Variants in BRINP1 observed in about 807,000 individuals in gnomAD.
BRINP1 encodes BMP/retinoic acid-inducible neural-specific protein 1.
A neutral mutation model predicts 72.9 loss-of-function variants in BRINP1; 17 were observed. The observed-to-expected ratio is 0.23, with a 90% CI of 0.16 to 0.35. BRINP1 has a LOEUF of 0.35. Ranked by LOEUF, BRINP1 falls within the 10% of genes least tolerant of loss-of-function variation. BRINP1 has a pLI of 1.00. For synonymous variants in BRINP1, 418 were observed against 378.5 expected (o/e 1.10, Z -1.21); for missense variants, 850 against 1,001.6 (o/e 0.85, Z 2.04).
rs149284594 is a variant in BRINP1 at position 119,168,139 on chromosome 9, G to T, written c.1231C>A (p.Arg411=). 59 of 1,600,236 alleles carry T rather than the reference G, an allele frequency of 3.7e-5. No individual in the cohort carries two copies. The East Asian group carries it at 1.3e-3, about 34-fold the overall frequency. Residue 411 remains arginine, a synonymous_variant, in exon 8 of 8, where the codon CGG becomes AGG. Coordinates refer to ENST00000265922, the MANE Select transcript of BRINP1 (RefSeq NM_014618.3). ...GTGCTGCCGTGGCACACGCAGCTCC[G>T]CTGGCTCTCCAGGAAGGTTCCCCAA... ...GFWGTFLESQ[R]SCVCHGSTTL... is the part of the protein sequence containing the mutation.
At chr9:119,312,038 T>C (rs1400257142) in intron 2 of BRINP1, among the ~76,000 whole-genome samples, 1 of 152,238 alleles carries the variant, frequency 6.6e-6, no homozygotes, top group Admixed American at 6.5e-5. Context: ...CCTCCCTTCA[T>C]GGCACATGAT....
intron 7 of BRINP1, among the ~76,000 whole-genome samples, chr9:119,200,413 G>T (rs1829792078): frequency 6.6e-6 from 1 of 152,094 alleles, no homozygotes; most frequent in South Asian, 2.1e-4. Flanking sequence ...CTTGAGTCCA[G>T]AAGTTTGAGA....
At chr9:119,263,110 C>A in intron 2 of BRINP1, among the ~76,000 whole-genome samples, 1 of 152,188 alleles carries the variant, frequency 6.6e-6, no homozygotes, top group East Asian at 1.9e-4. Flanking sequence ...AGGCCAGGGG[C>A]ACAATTTGAA....
intron 4 of BRINP1, among the ~76,000 whole-genome samples, chr9:119,239,822 GTT>G (rs921038925): frequency 1.3e-5 from 2 of 151,978 alleles, no homozygotes; most frequent in African/African-American, 4.8e-5. Flanking sequence ...TGTATTTTTC[GTT>G]TTGTTTTACA....
intron 1 of BRINP1, among the ~76,000 whole-genome samples, chr9:119,321,492 ATT>A (rs1831186875): frequency 6.6e-6 from 1 of 151,946 alleles, no homozygotes; most frequent in African/African-American, 2.4e-5. Flanking sequence ...TTTTTTATTT[ATT>A]TATTTTTTAG....
At chr9:119,357,842 T>C (rs1036964427) in intron 1 of BRINP1, among the ~76,000 whole-genome samples, 3 of 152,018 alleles carry the variant, frequency 2.0e-5, no homozygotes, top group African/African-American at 4.8e-5. Flanking sequence ...CCCAAGACAA[T>C]AGAGATCAGG....
At chr9:119,355,584 C>G (rs551529543) in intron 1 of BRINP1, among the ~76,000 whole-genome samples, 1 of 152,110 alleles carries the variant, frequency 6.6e-6, no homozygotes, top group East Asian at 1.9e-4. Context: ...AAAAAATTAG[C>G]CGGGCGTGGT....
chr9:119,268,223 A>G (rs1830570596), intron 2 of BRINP1, among the ~76,000 whole-genome samples: 1 of 150,916 alleles, frequency 6.6e-6, no homozygotes, highest in South Asian at 2.1e-4. Flanking sequence ...AGCCTGGGCG[A>G]CAGAGTGAGA....
At chr9:119,355,728 C>CAA (rs1176143696) in intron 1 of BRINP1, among the ~76,000 whole-genome samples, 133 of 107,904 alleles carry the variant, frequency 1.2e-3, no homozygotes, top group African/African-American at 3.5e-3. Flanking sequence ...GACTCCGTCT[C>CAA]AAAAAAAAAA....
intron 2 of BRINP1, among the ~76,000 whole-genome samples, chr9:119,285,201 CAAAAAAAAAA>C (rs58381406): frequency 1.7e-5 from 2 of 121,180 alleles, no homozygotes; most frequent in Admixed American, 1.7e-4. Flanking sequence ...TTGCAGGCAT[CAAAAAAAAAA>C]AAAAAAAAAA....
chr9:119,307,299 T>C (rs1831008124), intron 2 of BRINP1, among the ~76,000 whole-genome samples: 1 of 152,142 alleles, frequency 6.6e-6, no homozygotes, highest in Non-Finnish European at 1.5e-5. Context: ...TAAATCTAAA[T>C]ACCTGGAGAA....
At chr9:119,175,380 G>A (rs1829474990) in intron 7 of BRINP1, among the ~76,000 whole-genome samples, 1 of 152,054 alleles carries the variant, frequency 6.6e-6, no homozygotes, top group African/African-American at 2.4e-5. Context: ...AGGGGTTGGG[G>A]GGCTAGGGGA....
At chr9:119,212,043 CA>C (rs1189220470) in intron 6 of BRINP1, among the ~76,000 whole-genome samples, 2 of 152,040 alleles carry the variant, frequency 1.3e-5, no homozygotes, top group African/African-American at 4.8e-5. Flanking sequence ...AATCTTTCTG[CA>C]AAAGCATTTT....
At chr9:119,218,442 C>T (rs79694016) in intron 5 of BRINP1, among the ~76,000 whole-genome samples, 1 of 151,972 alleles carries the variant, frequency 6.6e-6, no homozygotes, top group Non-Finnish European at 1.5e-5. Flanking sequence ...TGCACCCTAA[C>T]AGTCAAAGGA....
chr9:119,300,689 A>G (rs995114674), intron 2 of BRINP1, among the ~76,000 whole-genome samples: 8 of 152,152 alleles, frequency 5.3e-5, no homozygotes, highest in African/African-American at 1.9e-4. Context: ...AAAAGAAAAA[A>G]TAATAAAATC....
chr9:119,281,129 C>G (rs1830706768), intron 2 of BRINP1, among the ~76,000 whole-genome samples: 1 of 152,182 alleles, frequency 6.6e-6, no homozygotes, highest in African/African-American at 2.4e-5. Flanking sequence ...GACACTGGTT[C>G]TGAGAGTGTA....
rs557448365 is a variant in BRINP1 at position 119,185,341 on chromosome 9, C to T, written c.1146-17117G>A. Among the ~76,000 whole-genome samples, 25 of 152,248 alleles carry T rather than the reference C, an allele frequency of 1.6e-4. No homozygotes were observed. In the South Asian group the frequency reaches 4.2e-3, roughly 25 times the overall value. On this transcript the variant is annotated intron_variant, in intron 7 of 7. Transcript: ENST00000265922. The stretch of plus-strand genomic sequence containing the variant: ...AACAACAAAATATGCACCTAGACAG[C>T]GGCTGAAACCTTAAGATAAATCCAC...
At chr9:119,286,185 A>G (rs1330434434) in intron 2 of BRINP1, among the ~76,000 whole-genome samples, 2 of 152,086 alleles carry the variant, frequency 1.3e-5, no homozygotes, top group Non-Finnish European at 2.9e-5. Flanking sequence ...TATGAACAAT[A>G]TATGATCTGC....
chr9:119,190,116 T>G (rs1829667133), intron 7 of BRINP1, among the ~76,000 whole-genome samples: 1 of 151,800 alleles, frequency 6.6e-6, no homozygotes, highest in African/African-American at 2.4e-5. Flanking sequence ...AAAAATATCT[T>G]GATACAAATA....
Sources: gnomAD v4.1 joint callset for allele counts (sites outside exome capture counted in the v4.1 genomes callset) on GRCh38, gnomAD v4.1.1 for gene constraint, MANE v1.5 for transcripts, NCBI Gene and HGNC (gene_info 2026-07-23, HGNC 2026-07-21) for gene names.